The following GLE1 variants were observed in gnomAD, a reference collection of about 807,000 sequenced individuals.
The protein encoded by GLE1 is mRNA export factor GLE1.
GLE1 carries 78 observed loss-of-function variants against 97.3 expected under a neutral mutation model. The ratio of observed to expected loss-of-function variants is 0.80; its 90% CI spans 0.67 to 0.97. GLE1 has a LOEUF of 0.97. Among genes scored for constraint, GLE1 ranks in the 50% least tolerant of loss-of-function variants. The probability of loss-of-function intolerance (pLI) is 0.00; values close to 1 mark genes in which losing one functional copy is unlikely to be tolerated. For synonymous variants in GLE1, 302 were observed against 313.4 expected (o/e 0.96, Z 0.39); for missense variants, 753 against 857.5 (o/e 0.88, Z 1.52).
chr9:128,509,287 T>G (rs1467233250), intron 2 of GLE1, among the ~76,000 whole-genome samples, 190 bp downstream of exon 2: 1 of 152,098 alleles, frequency 6.6e-6, no homozygotes, highest in African/African-American at 2.4e-5. Context: ...AAAAATCCCC[T>G]CTATTCTTAG....
chr9:128,524,663 G>A (rs950519862), intron 6 of GLE1, among the ~76,000 whole-genome samples: 36 of 146,956 alleles, frequency 2.4e-4, no homozygotes, highest in African/African-American at 8.5e-4. Flanking sequence ...GCGATTCTCG[G>A]ATTACTTGAG....
In GLE1 at chr9:128,534,727, AT is replaced by A. The variant is rs1178738170; in HGVS notation, c.1646+785del. Among the ~76,000 whole-genome samples, 3 of 149,194 alleles carry A rather than the reference AT, an allele frequency of 2.0e-5. No individual in the cohort carries two copies. The South Asian group carries it at 6.4e-4, about 32-fold the overall frequency. On this transcript the variant is annotated intron_variant, in intron 11 of 15. Coordinates refer to ENST00000309971, the MANE Select transcript of GLE1 (RefSeq NM_001003722.2). ...TATATACATATTTTTTATTTTTTTTATTTTTTTTTGAGACAGCGTCTCGCTT... is the reference window on the plus strand; with the variant it reads ...TATATACATATTTTTTATTTTTTTTATTTTTTTTGAGACAGCGTCTCGCTT...
In GLE1 at chr9:128,540,315, A is replaced by G; in HGVS notation, c.2005A>G (p.Ile669Val). 1 of 1,610,272 alleles carries G rather than the reference A, an allele frequency of 6.2e-7. No individual in the cohort carries two copies. Among genetic ancestry groups the G allele is most frequent in the Non-Finnish European group, 8.5e-7 (1 of 1,176,510 alleles). Residue 669 changes from isoleucine to valine, a missense_variant, in exon 15 of 16, where the codon ATA becomes GTA. Physicochemically the swap from Ile to Val is conservative, Grantham distance 29. Coordinates refer to ENST00000309971, the MANE Select transcript of GLE1 (RefSeq NM_001003722.2). ...AAGCTCAGGACAGATGGGCTCCTTC[A>G]TACGCCTCAAGCAGTTCTTGGAGGT... ...ITSSGQMGSF[I>V]RLKQFLEKCL...
chr9:128,521,818 GA>G (rs745688612), intron 3 of GLE1, among the ~76,000 whole-genome samples: 26 of 152,178 alleles, frequency 1.7e-4, no homozygotes, highest in Non-Finnish European at 2.9e-4. Context: ...TCCTGAAATG[GA>G]ACAAGTGTCA....
intron 14 of GLE1, 191 bp downstream of exon 14, chr9:128,539,889 C>G: frequency 6.8e-7 from 1 of 1,475,586 alleles, no homozygotes; most frequent in Non-Finnish European, 9.0e-7. Flanking sequence ...GAGAGTCTGT[C>G]TTAAATATCA....
In GLE1 at chr9:128,515,554, A is replaced by C; in HGVS notation, c.347A>C (p.Glu116Ala). 1 of 1,602,084 alleles carries C rather than the reference A, an allele frequency of 6.2e-7. No individual in the cohort carries two copies. The highest frequency in any genetic ancestry group is 8.6e-7 in the Non-Finnish European group (1 of 1,169,050). Residue 116 changes from glutamate (E) to alanine (A), a missense_variant, in exon 3 of 16, where the codon GAA becomes GCA. Transcript: ENST00000309971. Reference sequence around the variant, plus strand: ...GGCAAAGATGAGTCCCAGCACACAGAATCTATGGTACTTCAGTCCTCACGG... The same window carrying C: ...GGCAAAGATGAGTCCCAGCACACAGCATCTATGGTACTTCAGTCCTCACGG... The part of the protein sequence containing the change: ...TKGKDESQHT[E>A]SMVLQSSRGI...
Position 128,523,580 on chromosome 9 carries a change from C to G in GLE1, c.643-12C>G. The G allele has an allele frequency of 6.2e-7, 1 of 1,613,742 alleles. No individual in the cohort carries two copies. The highest frequency in any genetic ancestry group is 1.1e-5 in the South Asian group (1 of 91,042). ...ACCCCTCAGAGAGAAGTCACTCAGC[C>G]CTTTTCTACAGATTCTCAACCTGAA... is the stretch of plus-strand genomic sequence containing the variant. On this transcript the variant is annotated splice_polypyrimidine_tract_variant and intron_variant, in intron 5 of 15. Transcript: ENST00000309971.
chr9:128,509,121 C>G, intron 2 of GLE1, 24 bp downstream of exon 2: 1 of 1,362,018 alleles, frequency 7.3e-7, no homozygotes, highest in Non-Finnish European at 1.1e-6. Context: ...CAGCTTAAGA[C>G]AAAAGACATG....
At chr9:128,531,402 C>T (rs1227355179) in intron 9 of GLE1, among the ~76,000 whole-genome samples, 1 of 151,482 alleles carries the variant, frequency 6.6e-6, no homozygotes, top group African/African-American at 2.4e-5. Flanking sequence ...TGGCAGGCGC[C>T]TGTAATCCCA....
In GLE1 at chr9:128,525,426, G is replaced by A. The variant is rs1411811521; in HGVS notation, c.1129+3G>A. On this transcript the variant is annotated splice_donor_region_variant and intron_variant, in intron 7 of 15. Transcript: ENST00000309971. Reference sequence around the variant, plus strand: ...CCCAGGAGGGAAACAGAATGAAGGTGGGTTTCAGTATGGATGTGGTCCTTT... The same window carrying A: ...CCCAGGAGGGAAACAGAATGAAGGTAGGTTTCAGTATGGATGTGGTCCTTT... 5 of 1,556,214 alleles carry A rather than the reference G, an allele frequency of 3.2e-6. No homozygotes were observed. The highest frequency in any genetic ancestry group is 2.3e-5 in the East Asian group (1 of 43,754).
At chr9:128,506,588 G>A (rs1846646783) in intron 1 of GLE1, among the ~76,000 whole-genome samples, 2 of 152,216 alleles carry the variant, frequency 1.3e-5, no homozygotes, top group African/African-American at 2.4e-5. Context: ...CTCTTTTGAA[G>A]TGGAGGATGG....
rs1445249711 is a variant in GLE1 at position 128,520,384 on chromosome 9, GTGTATATATGTATGTGTGTATATA to G, written c.433-2274_433-2251del. ...TGTGTATATATGTATATATGTATAT[GTGTATATATGTATGTGTGTATATA>G]TGTATATATATGTATATATGTATAT... On this transcript the variant is annotated intron_variant, in intron 3 of 15. Coordinates refer to ENST00000309971, the MANE Select transcript of GLE1 (RefSeq NM_001003722.2). Among the ~76,000 whole-genome samples the G allele has an allele frequency of 7.5e-5, 11 of 146,462 alleles. No individual in the cohort carries two copies. The East Asian group carries it at 2.2e-3, about 29-fold the overall frequency.
In GLE1 at chr9:128,533,578, G is replaced by C; in HGVS notation, c.1378G>C (p.Gly460Arg). The C allele has an allele frequency of 1.2e-6, 2 of 1,613,510 alleles. No individual in the cohort carries two copies. Among genetic ancestry groups the C allele is most frequent in the Non-Finnish European group, 1.7e-6 (2 of 1,179,512 alleles). The change falls in exon 10 of 16, where the codon GGT becomes CGT. Residue 460 changes from glycine (G) to arginine (R), a missense_variant. Physicochemically the swap from Gly to Arg is moderately radical, Grantham distance 125. Transcript: ENST00000309971. ...SLLSGKPVQSGGRSVSVTLNP... is the reference protein window; with the variant it reads ...SLLSGKPVQSRGRSVSVTLNP... ...GCTCTCTGGAAAACCTGTTCAATCT[G>C]GTGGGCGCTCTGTGTCTGTCACACT...
intron 9 of GLE1, among the ~76,000 whole-genome samples, chr9:128,533,195 G>A (rs1177605914): frequency 1.3e-5 from 2 of 151,868 alleles, no homozygotes; most frequent in Admixed American, 6.6e-5. Flanking sequence ...AGGCCAAAGC[G>A]GGCGGATCAC....
intron 1 of GLE1, 38 bp downstream of exon 1, chr9:128,504,942 C>A: frequency 7.3e-7 from 1 of 1,373,378 alleles, no homozygotes; most frequent in Non-Finnish European, 1.0e-6. Context: ...CCTTTCCGGC[C>A]CCTCGCGACC....
chr9:128,517,882 C>T (rs538503780), intron 3 of GLE1, among the ~76,000 whole-genome samples: 9 of 152,126 alleles, frequency 5.9e-5, no homozygotes, highest in African/African-American at 2.2e-4. Flanking sequence ...TTCAGATTCA[C>T]TTGTGTTCCT....
Position 128,509,113 on chromosome 9 carries a change from G to C in GLE1, c.321+16G>C, listed in dbSNP as rs1207786849. 10 of 1,474,518 alleles carry C rather than the reference G, an allele frequency of 6.8e-6. No homozygotes were observed. The South Asian group carries it at 1.1e-4, about 17-fold the overall frequency. 91.3% of individuals were successfully genotyped at this position (1,474,518 alleles called of 1,614,324 possible). A position where few individuals can be genotyped will look rare whatever the true frequency, so the allele number is the denominator to read the frequency against. On this transcript the variant is annotated intron_variant, in intron 2 of 15. Transcript: ENST00000309971. ...TGGAACCAAGGTAAGGTTGTGATCAGCTTAAGACAAAAGACATGGTGGCTG... is the reference window on the plus strand; with the variant it reads ...TGGAACCAAGGTAAGGTTGTGATCACCTTAAGACAAAAGACATGGTGGCTG...
At chr9:128,528,431 G>A (rs1847375783) in intron 9 of GLE1, among the ~76,000 whole-genome samples, 1 of 151,584 alleles carries the variant, frequency 6.6e-6, no homozygotes, top group Admixed American at 6.6e-5. Flanking sequence ...AGCCTCCCAA[G>A]TAGCTGGGAC....
intron 6 of GLE1, among the ~76,000 whole-genome samples, chr9:128,524,245 A>ATTT (rs1847239218): frequency 6.6e-6 from 1 of 151,220 alleles, no homozygotes; most frequent in South Asian, 2.1e-4. Context: ...TGCCCTGCTA[A>ATTT]TTTTTGTATT....
Sources: allele counts gnomAD v4.1 joint callset (sites outside exome capture counted in the v4.1 genomes callset), GRCh38; gene constraint gnomAD v4.1.1; transcripts MANE v1.5; gene names NCBI Gene and HGNC (gene_info 2026-07-23, HGNC 2026-07-21).